CCDC7: variants seen among roughly 807,000 people sequenced by gnomAD.
CCDC7 encodes coiled-coil domain containing 7, also known as coiled-coil domain-containing protein 7.
CCDC7 carries 183 observed loss-of-function variants against 196.9 expected under a neutral mutation model. The ratio of observed to expected loss-of-function variants is 0.93; its 90% CI spans 0.82 to 1.05. The LOEUF (loss-of-function observed/expected upper bound fraction) is 1.05, where lower values mean the gene tolerates loss of function less well. CCDC7 is among the 50% of genes least tolerant of loss of function. The probability of loss-of-function intolerance (pLI) is 0.00; values close to 1 mark genes in which losing one functional copy is unlikely to be tolerated. For missense variants in CCDC7, 1,540 were observed against 1,482.2 expected, an observed-to-expected ratio of 1.04 and a Z score of -0.64; for synonymous variants, 525 against 484.6, an observed-to-expected ratio of 1.08 and a Z score of -1.10.
intron 28 of CCDC7, among the ~76,000 whole-genome samples, chr10:32,731,649 A>G (rs904996135): frequency 6.6e-6 from 1 of 152,214 alleles, no homozygotes; most frequent in Non-Finnish European, 1.5e-5. Flanking sequence ...TACTTTCAGG[A>G]AAAGTACTCT....
At chr10:32,571,953 T>A in intron 16 of CCDC7, 60 bp downstream of exon 17, 1 of 1,418,264 alleles carries the variant, frequency 7.1e-7, no homozygotes, top group Non-Finnish European at 9.4e-7. Context: ...TTCACATACC[T>A]AAGCAATGAA....
chr10:32,848,588 T>C lies in CCDC7; in HGVS notation c.3773-8T>C. The C allele has an allele frequency of 6.9e-7, 1 of 1,453,408 alleles. No homozygotes were observed. Among genetic ancestry groups the C allele is most frequent in the Non-Finnish European group, 9.7e-7 (1 of 1,033,636 alleles). The allele number at this position is 1,453,408 out of a possible 1,614,324, so 90.0% of individuals were successfully genotyped here. On this transcript the variant is annotated splice_polypyrimidine_tract_variant and splice_region_variant and intron_variant, in intron 38 of 41. Coordinates refer to ENST00000639629, the Ensembl canonical transcript of CCDC7. ...TCATGCACTTTTTCTTTTAAAATTT[T>C]ATTTTAGATGTGAACTTATTTAAAA...
At chr10:32,486,976 T>C (rs190030869) in intron 8 of CCDC7, among the ~76,000 whole-genome samples, 1 of 151,934 alleles carries the variant, frequency 6.6e-6, no homozygotes, top group Admixed American at 6.6e-5. Context: ...TGTCTTGGAG[T>C]TGCTGTTCTC....
At chr10:32,864,441 A>C (rs2094131689) in intron 41 of CCDC7, among the ~76,000 whole-genome samples, 1 of 151,812 alleles carries the variant, frequency 6.6e-6, no homozygotes, top group African/African-American at 2.4e-5. Flanking sequence ...GTATTGAGAC[A>C]CAGCAATATC....
chr10:32,802,389 G>A (rs2084976663), intron 29 of CCDC7, among the ~76,000 whole-genome samples: 1 of 152,094 alleles, frequency 6.6e-6, no homozygotes, highest in East Asian at 1.9e-4. Flanking sequence ...AGAACTATCA[G>A]TGTTCTCCAT....
intron 18 of CCDC7, among the ~76,000 whole-genome samples, chr10:32,607,124 C>T (rs368857606): frequency 2.6e-5 from 4 of 152,068 alleles, no homozygotes; most frequent in African/African-American, 9.7e-5. Context: ...TGGCATCTCC[C>T]CTGACCCATC....
At chr10:32,565,417 C>A in intron 13 of CCDC7, 141 bp from the exon 15 acceptor site, 1 of 723,092 alleles carries the variant, frequency 1.4e-6, no homozygotes, top group Non-Finnish European at 2.1e-6. Flanking sequence ...TCCACCATTA[C>A]ACTTGAGAGA....
intron 8 of CCDC7, among the ~76,000 whole-genome samples, chr10:32,484,212 A>G (rs550607882): frequency 3.0e-4 from 46 of 152,286 alleles, no homozygotes; most frequent in African/African-American, 1.0e-3. Context: ...GGTCCTTCAC[A>G]TGCCCTGTAA....
At chr10:32,500,762 G>A (rs1054883424) in intron 9 of CCDC7, among the ~76,000 whole-genome samples, 2 of 152,226 alleles carry the variant, frequency 1.3e-5, no homozygotes, top group Non-Finnish European at 2.9e-5. Context: ...GCAACATTGA[G>A]CCCTGAGTGA....
intron 28 of CCDC7, among the ~76,000 whole-genome samples, chr10:32,761,672 G>A (rs2077486315): frequency 1.3e-5 from 2 of 151,934 alleles, no homozygotes; most frequent in Non-Finnish European, 2.9e-5. Flanking sequence ...CATATCCAGA[G>A]TCTCATCCTG....
intron 7 of CCDC7, among the ~76,000 whole-genome samples, chr10:32,473,525 A>G (rs2038376325): frequency 6.6e-6 from 1 of 152,164 alleles, no homozygotes; most frequent in African/African-American, 2.4e-5. Flanking sequence ...TCCTGATTGC[A>G]CTGTAGAAGC....
intron 15 of CCDC7, among the ~76,000 whole-genome samples, chr10:32,569,121 A>G (rs147150404): frequency 1.7e-3 from 263 of 152,332 alleles, no homozygotes; most frequent in Admixed American, 4.5e-3. Flanking sequence ...ATATACATCA[A>G]TACACACCTG....
At chr10:32,612,621 G>A (rs1020884027) in intron 18 of CCDC7, among the ~76,000 whole-genome samples, 2 of 152,052 alleles carry the variant, frequency 1.3e-5, no homozygotes, top group African/African-American at 4.8e-5. Flanking sequence ...AGTGTTTTTA[G>A]CATGAAGTGG....
chr10:32,624,335 C>T (rs562998390), intron 18 of CCDC7, among the ~76,000 whole-genome samples: 4 of 152,144 alleles, frequency 2.6e-5, no homozygotes, highest in African/African-American at 4.8e-5. Context: ...TCTCTCCAAC[C>T]ACTTTCCAAA....
At chr10:32,811,752 A>G (rs1013987741) in intron 30 of CCDC7, among the ~76,000 whole-genome samples, 16 of 152,120 alleles carry the variant, frequency 1.1e-4, no homozygotes, top group African/African-American at 3.4e-4. Context: ...TACCAAAACC[A>G]GACAAGGACA....
intron 21 of CCDC7, among the ~76,000 whole-genome samples, chr10:32,673,722 C>T (rs2074460802): frequency 6.9e-6 from 1 of 145,674 alleles, no homozygotes; most frequent in Non-Finnish European, 1.5e-5. Flanking sequence ...AAATCAATAA[C>T]AAATAGTGAG....
intron 28 of CCDC7, among the ~76,000 whole-genome samples, chr10:32,742,265 C>A (rs2504337): frequency 0.34 from 52,127 of 151,998 alleles, 11,330 homozygotes; most frequent in Non-Finnish European, 0.49. Flanking sequence ...CCATTCCCCC[C>A]ACACAGACTC....
chr10:32,732,102 A>G (rs2084086492), intron 28 of CCDC7, among the ~76,000 whole-genome samples: 1 of 152,154 alleles, frequency 6.6e-6, no homozygotes, highest in Non-Finnish European at 1.5e-5. Flanking sequence ...CTTTCTATAT[A>G]TTAATAATTC....
chr10:32,611,112 A>G lies in CCDC7; in HGVS notation c.1802-23142A>G, dbSNP rs577612701. Among the ~76,000 whole-genome samples, 19 of 152,274 alleles carry G rather than the reference A, an allele frequency of 1.2e-4. No individual in the cohort carries two copies. In the South Asian group the frequency reaches 3.7e-3, roughly 30 times the overall value. ...GTTTCCTGACTTTTTAATGATCACC[A>G]TTCTAACTGGTGTGAGATGGTATCT... On this transcript the variant is annotated intron_variant, in intron 18 of 41. Coordinates refer to ENST00000639629, the Ensembl canonical transcript of CCDC7.
Sources: allele counts gnomAD v4.1 joint callset (sites outside exome capture counted in the v4.1 genomes callset), GRCh38; gene constraint gnomAD v4.1.1; transcripts MANE v1.5; gene names NCBI Gene and HGNC (gene_info 2026-07-23, HGNC 2026-07-21).